ABCC9: variants seen among roughly 807,000 people sequenced by gnomAD.
ABCC9 encodes ATP binding cassette subfamily C member 9, also known as ATP-binding cassette sub-family C member 9.
In ABCC9, 95 loss-of-function variants were observed where a neutral mutation model predicts 188.3. The ratio of observed to expected loss-of-function variants is 0.50; its 90% CI spans 0.43 to 0.60. The LOEUF (loss-of-function observed/expected upper bound fraction) is 0.60, where lower values mean the gene tolerates loss of function less well. Ranked by LOEUF, ABCC9 falls within the 20% of genes least tolerant of loss-of-function variation. The pLI is 0.00. For synonymous variants in ABCC9, 659 were observed against 652.7 expected (o/e 1.01, Z -0.15); for missense variants, 1,102 against 1,876.3 (o/e 0.59, Z 7.62).
At chr12:21,930,924 C>T (rs1193178525) in intron 4 of ABCC9, among the ~76,000 whole-genome samples, 6 of 152,116 alleles carry the variant, frequency 3.9e-5, no homozygotes, top group Non-Finnish European at 8.8e-5. Context: ...TATAGGGAAT[C>T]TCTCTATTTT....
At chr12:21,801,474 T>A (rs965444089) in intron 39 of ABCC9, among the ~76,000 whole-genome samples, 1 of 152,198 alleles carries the variant, frequency 6.6e-6, no homozygotes, top group Non-Finnish European at 1.5e-5. Context: ...AGGGTAAAAT[T>A]GTTTATCGAG....
chr12:21,919,962 AT>A (rs1948740100), intron 5 of ABCC9, among the ~76,000 whole-genome samples: 1 of 152,026 alleles, frequency 6.6e-6, no homozygotes, highest in African/African-American at 2.4e-5. Flanking sequence ...AAACAGATCA[AT>A]GCAATTTAGC....
At chr12:21,837,862 T>TC (rs1944180835) in intron 30 of ABCC9, among the ~76,000 whole-genome samples, 1 of 152,190 alleles carries the variant, frequency 6.6e-6, no homozygotes, top group Non-Finnish European at 1.5e-5. Flanking sequence ...ATTTTTCCTA[T>TC]CTGTTGCTTC....
intron 31 of ABCC9, among the ~76,000 whole-genome samples, chr12:21,824,183 G>T (rs1365684185): frequency 6.6e-6 from 1 of 152,134 alleles, no homozygotes; most frequent in Non-Finnish European, 1.5e-5. Context: ...CTAGTTTTTT[G>T]AGCGTTTTTA....
intron 11 of ABCC9, among the ~76,000 whole-genome samples, chr12:21,907,170 G>GA (rs1223113319): frequency 4.6e-5 from 7 of 152,176 alleles, no homozygotes; most frequent in Admixed American, 1.3e-4. Flanking sequence ...ATAGCTAAAT[G>GA]AAAGACAGAT....
At chr12:21,838,258 C>A in intron 29 of ABCC9, 88 bp from the exon 30 acceptor site, 1 of 1,042,684 alleles carries the variant, frequency 9.6e-7, no homozygotes, top group South Asian at 1.3e-5. Context: ...GTTATTTTGT[C>A]ACTGTATTTG....
intron 25 of ABCC9, among the ~76,000 whole-genome samples, chr12:21,847,404 C>T (rs2137407764): frequency 6.6e-6 from 1 of 152,134 alleles, no homozygotes; most frequent in East Asian, 1.9e-4. Flanking sequence ...TGTTGAAATA[C>T]AGAAATATAA....
At chr12:21,923,594 C>T in intron 5 of ABCC9, 4 of 514,664 alleles carry the variant, frequency 7.8e-6, no homozygotes, top group Non-Finnish European at 6.9e-6. Context: ...CCAGTACACA[C>T]CCACTAGCAT....
At chr12:21,896,429 C>A (rs374177255) in intron 12 of ABCC9, among the ~76,000 whole-genome samples, 1 of 152,250 alleles carries the variant, frequency 6.6e-6, no homozygotes, top group South Asian at 2.1e-4. Context: ...CTTTCTCTGA[C>A]CATTGTCACC....
intron 21 of ABCC9, 67 bp downstream of exon 21, chr12:21,860,904 A>T (rs1315439766): frequency 1.6e-6 from 2 of 1,248,606 alleles, no homozygotes; most frequent in South Asian, 1.2e-5. Context: ...TCTATTAAAG[A>T]TTAAAGACAA....
rs527970414 is a variant in ABCC9 at position 21,910,575 on chromosome 12, A to G, written c.1164+251T>C. ...TTAAACTTTAAGCATAAGCCCTAGA[A>G]CAAACAGAAAGAGATAAATAAATGT... On this transcript the variant is annotated intron_variant, in intron 9 of 39. Coordinates refer to ENST00000261200, the MANE Select transcript of ABCC9 (RefSeq NM_020297.4). Among the ~76,000 whole-genome samples the G allele has an allele frequency of 2.6e-5, 4 of 152,082 alleles. No homozygotes were observed. In the South Asian group the frequency reaches 6.2e-4, roughly 24 times the overall value.
chr12:21,915,556 C>T (rs1470941551), intron 7 of ABCC9, 112 bp downstream of exon 7: 32 of 687,180 alleles, frequency 4.7e-5, no homozygotes, highest in South Asian at 1.9e-4. Context: ...TCTGTCACCC[C>T]GGCTGGAGTG....
At chr12:21,915,383 G>GTGTATATATGTGTGTATATATAT (rs1565480903) in intron 7 of ABCC9, among the ~76,000 whole-genome samples, 19 of 135,130 alleles carry the variant, frequency 1.4e-4, no homozygotes, top group Middle Eastern at 7.7e-3. Flanking sequence ...TGTATATATA[G>GTGTATATATGTGTGTATATATAT]ACATGTGTAT....
Position 21,875,745 on chromosome 12 carries a change from GAAATT to G in ABCC9, c.2020-24_2020-20del, listed in dbSNP as rs1220952896. 1 of 1,570,418 alleles carries G rather than the reference GAAATT, an allele frequency of 6.4e-7. No homozygotes were observed. Among genetic ancestry groups the G allele is most frequent in the South Asian group, 1.1e-5 (1 of 90,168 alleles). On this transcript the variant is annotated intron_variant, in intron 16 of 39. Transcript: ENST00000261200. ...TTGTGACCTACAAAATAAAAATACAGAAATTAAATTATATGTGTGGTATCAATGAA... is the reference window on the plus strand; with the variant it reads ...TTGTGACCTACAAAATAAAAATACAGAAATTATATGTGTGGTATCAATGAA...
At chr12:21,853,102 G>A (rs564662516) in intron 22 of ABCC9, among the ~76,000 whole-genome samples, 4 of 152,256 alleles carry the variant, frequency 2.6e-5, no homozygotes, top group East Asian at 1.9e-4. Flanking sequence ...ATCACCTGAG[G>A]TCAGGAGTTC....
At chr12:21,875,060 G>A (rs1040305719) in intron 17 of ABCC9, among the ~76,000 whole-genome samples, 28 of 144,404 alleles carry the variant, frequency 1.9e-4, no homozygotes, top group Non-Finnish European at 3.2e-4. Flanking sequence ...CTCATGTTAA[G>A]TGTTCTTCCC....
intron 28 of ABCC9, among the ~76,000 whole-genome samples, chr12:21,843,696 A>G (rs1335268809): frequency 6.6e-6 from 1 of 152,198 alleles, no homozygotes; most frequent in Non-Finnish European, 1.5e-5. Context: ...CTTCTAAATA[A>G]TGAGTGATTC....
intron 4 of ABCC9, among the ~76,000 whole-genome samples, chr12:21,929,615 A>G (rs887761067): frequency 1.3e-5 from 2 of 152,138 alleles, no homozygotes; most frequent in Non-Finnish European, 2.9e-5. Context: ...GTCATAAGTC[A>G]TAATTATGAT....
At chr12:21,929,075 GAA>G (rs1949168160) in intron 4 of ABCC9, among the ~76,000 whole-genome samples, 1 of 152,092 alleles carries the variant, frequency 6.6e-6, no homozygotes, top group South Asian at 2.1e-4. Flanking sequence ...CAGTAATAGT[GAA>G]GATTTTAATA....
Sources: allele counts gnomAD v4.1 joint callset (sites outside exome capture counted in the v4.1 genomes callset), GRCh38; gene constraint gnomAD v4.1.1; transcripts MANE v1.5; gene names NCBI Gene and HGNC (gene_info 2026-07-23, HGNC 2026-07-21).